The following XKR6 variants were observed in gnomAD, a reference collection of about 807,000 sequenced individuals.
The protein encoded by XKR6 is XK related 6.
Under a neutral mutation model 56.7 loss-of-function variants are expected in XKR6, and 22 were observed. The observed-to-expected ratio is 0.39, with a 90% confidence interval of 0.28 to 0.55. The LOEUF (loss-of-function observed/expected upper bound fraction) is 0.55, where lower values mean the gene tolerates loss of function less well. Ranked by LOEUF, XKR6 falls within the 20% of genes least tolerant of loss-of-function variation. The pLI is 0.66. For missense variants in XKR6, 852 were observed against 889.0 expected (o/e 0.96, Z 0.53); for synonymous variants, 524 against 387.8 (o/e 1.35, Z -4.13).
intron 1 of XKR6, among the ~76,000 whole-genome samples, chr8:10,971,727 C>G (rs531668846): frequency 2.4e-4 from 37 of 152,272 alleles, no homozygotes; most frequent in African/African-American, 8.9e-4. Flanking sequence ...ACACTAAAGT[C>G]CCAAAGAGAG....
intron 2 of XKR6, among the ~76,000 whole-genome samples, chr8:10,922,388 C>T (rs149594460): frequency 1.2e-4 from 19 of 152,314 alleles, no homozygotes; most frequent in East Asian, 9.6e-4. Flanking sequence ...ACCAGGGAAC[C>T]GGACATTGCC....
rs143977679 is a variant in XKR6, at chr8:11,072,654, G to C, written c.764+127922C>G. Among the ~76,000 whole-genome samples, 13 of 152,344 alleles carry C rather than the reference G, an allele frequency of 8.5e-5. No individual in the cohort carries two copies. In the South Asian group the frequency reaches 2.3e-3, roughly 27 times the overall value. ...AGAAGGTGGGGGCCACCCCTGCCAG[G>C]CAACAACACATGGGTCAGGGTGGGG... is the stretch of plus-strand genomic sequence containing the variant. On this transcript the variant is annotated intron_variant, in intron 1 of 2. Transcript: ENST00000416569.
At chr8:11,086,417 C>G (rs753454189) in intron 1 of XKR6, among the ~76,000 whole-genome samples, 5 of 152,130 alleles carry the variant, frequency 3.3e-5, no homozygotes, top group Non-Finnish European at 5.9e-5. Context: ...TAAATGGCAG[C>G]CTTCAGCAGA....
chr8:10,977,923 C>A (rs1178491097), intron 1 of XKR6, among the ~76,000 whole-genome samples: 3 of 152,052 alleles, frequency 2.0e-5, no homozygotes, highest in Non-Finnish European at 4.4e-5. Context: ...GGTGGTGATA[C>A]AGGCGATGAC....
At chr8:11,187,477 CAT>C (rs1803333484) in intron 1 of XKR6, among the ~76,000 whole-genome samples, 1 of 152,174 alleles carries the variant, frequency 6.6e-6, no homozygotes, top group African/African-American at 2.4e-5. Flanking sequence ...TTCCTTCCCA[CAT>C]GACTGGCAAA....
intron 1 of XKR6, among the ~76,000 whole-genome samples, chr8:11,008,956 C>G (rs1798438172): frequency 6.6e-6 from 1 of 152,118 alleles, no homozygotes; most frequent in African/African-American, 2.4e-5. Context: ...TCTTCCAACT[C>G]AGAAAGAGCA....
At chr8:11,197,902 T>A (rs942886388) in intron 1 of XKR6, among the ~76,000 whole-genome samples, 2 of 152,224 alleles carry the variant, frequency 1.3e-5, no homozygotes, top group Non-Finnish European at 2.9e-5. Flanking sequence ...CAAATAATTT[T>A]ACATTAAAAA....
intron 1 of XKR6, among the ~76,000 whole-genome samples, chr8:11,051,297 G>C (rs185840096): frequency 6.6e-6 from 1 of 151,776 alleles, no homozygotes; most frequent in African/African-American, 2.4e-5. Context: ...CTCAGACCTC[G>C]GCAGCTGCCT....
chr8:11,060,677 G>A (rs1799811230), intron 1 of XKR6, among the ~76,000 whole-genome samples: 1 of 152,228 alleles, frequency 6.6e-6, no homozygotes, highest in Admixed American at 6.5e-5. Context: ...AAGACAAAGT[G>A]GACAGGAATC....
In XKR6 at chr8:11,021,170, A is replaced by G. The variant is rs1175698451; in HGVS notation, c.765-96340T>C. 4.6e-5 allele frequency among the ~76,000 whole-genome samples: 7 copies of G among 152,200 alleles called. No homozygotes were observed. In the East Asian group the frequency reaches 1.3e-3, roughly 29 times the overall value. On this transcript the variant is annotated intron_variant, in intron 1 of 2. Coordinates refer to ENST00000416569, the MANE Select transcript of XKR6 (RefSeq NM_173683.4). ...TGGGCTTCTCTCAGAGTCTCAGACC[A>G]GAAACTCTGTGTCCTAAGACACTGC...
At chr8:10,979,910 A>G (rs10092835) in intron 1 of XKR6, among the ~76,000 whole-genome samples, 86,074 of 151,726 alleles carry the variant, frequency 0.57, 27,254 homozygotes, top group African/African-American at 0.84. Flanking sequence ...TTATAAGGAC[A>G]TCTATTGTGA....
rs147894177 is a variant in XKR6, at chr8:10,965,043, C to T, written c.765-40213G>A. ...CTCTCTTAAAGGGACAGGCCAAGGGCCACCAACTGGACTGGACCACAAGCC... is the reference window on the plus strand; with the variant it reads ...CTCTCTTAAAGGGACAGGCCAAGGGTCACCAACTGGACTGGACCACAAGCC... On this transcript the variant is annotated intron_variant, in intron 1 of 2. Coordinates refer to ENST00000416569, the MANE Select transcript of XKR6 (RefSeq NM_173683.4). 5.7e-3 allele frequency among the ~76,000 whole-genome samples: 868 copies of T among 152,358 alleles called. 4 individuals are homozygous for T. The highest frequency in any genetic ancestry group is 0.02 in the African/African-American group (812 of 41,576).
chr8:11,144,963 G>A (rs1800905982), intron 1 of XKR6, among the ~76,000 whole-genome samples: 1 of 143,972 alleles, frequency 6.9e-6, no homozygotes, highest in African/African-American at 2.6e-5. Context: ...GAGAAGGGAG[G>A]AAGGAAGGGA....
chr8:11,021,933 G>A (rs554672223), intron 1 of XKR6, among the ~76,000 whole-genome samples: 1 of 151,646 alleles, frequency 6.6e-6, no homozygotes, highest in South Asian at 2.1e-4. Flanking sequence ...TTGCTGGCTG[G>A]TACCAGCTGC....
intron 1 of XKR6, among the ~76,000 whole-genome samples, chr8:11,141,260 C>T (rs1431865747): frequency 6.6e-6 from 1 of 152,136 alleles, no homozygotes; most frequent in East Asian, 1.9e-4. Flanking sequence ...TCTATCATCA[C>T]GTGTTATGCA....
At chr8:10,911,116 C>G (rs1800344517) in intron 2 of XKR6, among the ~76,000 whole-genome samples, 3 of 152,014 alleles carry the variant, frequency 2.0e-5, no homozygotes, top group Admixed American at 6.6e-5. Context: ...TGCACTGACT[C>G]TCTCCAAGCC....
chr8:11,080,833 G>C (rs1302303387), intron 1 of XKR6, among the ~76,000 whole-genome samples: 2 of 152,228 alleles, frequency 1.3e-5, no homozygotes, highest in Non-Finnish European at 2.9e-5. Flanking sequence ...GCCTCTCTGG[G>C]CACTGTTTGC....
At chr8:11,031,977 G>C (rs549521066) in intron 1 of XKR6, among the ~76,000 whole-genome samples, 26 of 152,212 alleles carry the variant, frequency 1.7e-4, no homozygotes, top group Non-Finnish European at 3.2e-4. Context: ...CCTCTGCCTA[G>C]CCACAGCTGT....
At chr8:11,006,040 C>T (rs1369505391) in intron 1 of XKR6, among the ~76,000 whole-genome samples, 2 of 151,998 alleles carry the variant, frequency 1.3e-5, no homozygotes, top group Non-Finnish European at 2.9e-5. Context: ...GACGGGGTTT[C>T]ACCATGGTGG....
Sources: allele counts gnomAD v4.1 joint callset (sites outside exome capture counted in the v4.1 genomes callset), GRCh38; gene constraint gnomAD v4.1.1; transcripts MANE v1.5; gene names NCBI Gene and HGNC (gene_info 2026-07-23, HGNC 2026-07-21).